The following SLC37A3 variants were observed in gnomAD, a reference collection of about 807,000 sequenced individuals.
SLC37A3 encodes the protein solute carrier family 37 member 3.
A neutral mutation model predicts 67.1 loss-of-function variants in SLC37A3; 51 were observed. The observed-to-expected ratio is 0.76, with a 90% CI of 0.61 to 0.96. The LOEUF (loss-of-function observed/expected upper bound fraction) is 0.96, where lower values mean the gene tolerates loss of function less well. SLC37A3 is among the 40% of genes least tolerant of loss of function. The pLI is 0.00. For synonymous variants in SLC37A3, 214 were observed against 231.4 expected (o/e 0.92, Z 0.68); for missense variants, 508 against 603.0 (o/e 0.84, Z 1.65).
intron 3 of SLC37A3, among the ~76,000 whole-genome samples, chr7:140,378,990 T>C (rs1184322537): frequency 1.3e-5 from 2 of 151,802 alleles, no homozygotes; most frequent in Non-Finnish European, 2.9e-5. Flanking sequence ...GAGGTTGCAG[T>C]GAGCCGAGAT....
At position 140,348,738 on chromosome 7, in the gene SLC37A3, T is replaced by C. The variant is rs758686009; in HGVS notation, c.912A>G (p.Leu304=). 1.9e-6 allele frequency: 3 copies of C among 1,614,044 alleles called. No individual in the cohort carries two copies. The highest frequency in any genetic ancestry group is 2.2e-5 in the South Asian group (2 of 91,086). The part of the protein sequence containing the change: ...PYSLAYACLK[L]VNYSFFFWLP... ...GCCAGAAGAAGAAGGAGTAATTCAC[T>C]AACTTCAAGCAGGCGTAGGCCAGTG... The change falls in exon 10 of 15, where the codon TTA becomes TTG. Residue 304 remains leucine (L), a synonymous_variant. Transcript: ENST00000326232.
rs575828622 is a variant in SLC37A3 at position 140,365,705 on chromosome 7, A to G, written c.292-1214T>C. On this transcript the variant is annotated intron_variant, in intron 4 of 14. Coordinates refer to ENST00000326232, the MANE Select transcript of SLC37A3 (RefSeq NM_207113.3). ...CACTGCACTCCAGCCTGGGCGATAG[A>G]GTGGGACTCCATCTCAAAAAAAAAA... Among the ~76,000 whole-genome samples, 3 of 152,146 alleles carry G rather than the reference A, an allele frequency of 2.0e-5. No homozygotes were observed. The South Asian group carries it at 6.2e-4, about 32-fold the overall frequency.
At chr7:140,394,510 T>C (rs1209540994) in intron 1 of SLC37A3, among the ~76,000 whole-genome samples, 1 of 151,060 alleles carries the variant, frequency 6.6e-6, no homozygotes, top group Non-Finnish European at 1.5e-5. Context: ...TGGCCCTATC[T>C]ACTTGGGAGG....
intron 3 of SLC37A3, among the ~76,000 whole-genome samples, chr7:140,373,371 G>A (rs1797898556): frequency 6.6e-6 from 1 of 152,208 alleles, no homozygotes; most frequent in Non-Finnish European, 1.5e-5. Flanking sequence ...TAGTTATTCA[G>A]ATTTGGGTAC....
chr7:140,357,556 C>T (rs1293504610), intron 6 of SLC37A3, among the ~76,000 whole-genome samples: 9 of 143,366 alleles, frequency 6.3e-5, no homozygotes, highest in Non-Finnish European at 1.4e-4. Context: ...CAGACCCTTT[C>T]TCTACAGGAA....
chr7:140,376,892 GCCT>G (rs922073626), intron 3 of SLC37A3, among the ~76,000 whole-genome samples: 9 of 151,170 alleles, frequency 6.0e-5, no homozygotes, highest in African/African-American at 1.9e-4. Flanking sequence ...TCCCACCTCA[GCCT>G]CCTAAGTAGC....
intron 14 of SLC37A3, 80 bp downstream of exon 14, chr7:140,337,204 G>T: frequency 2.7e-6 from 3 of 1,095,112 alleles, no homozygotes; most frequent in Non-Finnish European, 3.8e-6. Flanking sequence ...CAACAGTTTT[G>T]CTGAAGTGAC....
chr7:140,341,664 C>T (rs1352132718), intron 13 of SLC37A3, among the ~76,000 whole-genome samples: 2 of 152,102 alleles, frequency 1.3e-5, no homozygotes, highest in African/African-American at 4.8e-5. Context: ...ACGTGCTTCC[C>T]CAACCATGAA....
chr7:140,349,057 GAAGC>G (rs1218446826), intron 9 of SLC37A3, among the ~76,000 whole-genome samples: 3 of 152,172 alleles, frequency 2.0e-5, no homozygotes, highest in Non-Finnish European at 4.4e-5. Context: ...TTCTCTGGTA[GAAGC>G]AAGCCAGTGT....
At chr7:140,375,017 G>A (rs1286583768) in intron 3 of SLC37A3, among the ~76,000 whole-genome samples, 3 of 149,438 alleles carry the variant, frequency 2.0e-5, no homozygotes, top group African/African-American at 4.9e-5. Flanking sequence ...GTGGTGGCAC[G>A]CACCTATGGT....
chr7:140,343,083 C>T (rs1228693752), intron 13 of SLC37A3, among the ~76,000 whole-genome samples: 1 of 152,076 alleles, frequency 6.6e-6, no homozygotes, highest in Non-Finnish European at 1.5e-5. Flanking sequence ...AGAAGCACCC[C>T]CCACCACGGA....
At position 140,346,468 on chromosome 7, in the gene SLC37A3, G is replaced by C. The variant is rs377526091; in HGVS notation, c.1025-498C>G. ...GTCTGTTAAATCACCATGATGACCA[G>C]TGGGGACAGGAGACCACAAATCAGA... On this transcript the variant is annotated intron_variant, in intron 10 of 14. Coordinates refer to ENST00000326232, the MANE Select transcript of SLC37A3 (RefSeq NM_207113.3). Among the ~76,000 whole-genome samples the C allele has an allele frequency of 7.4e-4, 112 of 152,324 alleles. 1 individual carries two copies. The South Asian group carries it at 9.1e-3, about 12-fold the overall frequency.
chr7:140,345,623 T>C (rs1027731250), intron 11 of SLC37A3, among the ~76,000 whole-genome samples: 2 of 152,154 alleles, frequency 1.3e-5, no homozygotes, highest in African/African-American at 4.8e-5. Flanking sequence ...ACAAAGCATA[T>C]ACACTCCCAA....
At chr7:140,397,155 G>T (rs1798967935) in intron 1 of SLC37A3, among the ~76,000 whole-genome samples, 1 of 143,782 alleles carries the variant, frequency 7.0e-6, no homozygotes, top group African/African-American at 2.5e-5. Context: ...AGCCGAGATG[G>T]TGCCACGGCA....
chr7:140,371,083 A>G (rs1254683890), intron 3 of SLC37A3, among the ~76,000 whole-genome samples: 4 of 152,216 alleles, frequency 2.6e-5, no homozygotes, highest in Admixed American at 6.5e-5. Context: ...TTGCAGCCCA[A>G]CTACAACCCA....
chr7:140,390,243 C>A (rs73163231), intron 1 of SLC37A3, among the ~76,000 whole-genome samples: 5,597 of 152,184 alleles, frequency 0.037, 151 homozygotes, highest in South Asian at 0.14. Flanking sequence ...ATCTCATCTG[C>A]CCAGTCTTCC....
intron 1 of SLC37A3, among the ~76,000 whole-genome samples, chr7:140,388,503 G>A (rs1798598109): frequency 6.6e-6 from 1 of 150,970 alleles, no homozygotes; most frequent in African/African-American, 2.4e-5. Context: ...CAAGATTCTT[G>A]CCATCAAATA....
intron 3 of SLC37A3, among the ~76,000 whole-genome samples, chr7:140,375,693 T>C (rs1338836150): frequency 6.6e-6 from 1 of 152,098 alleles, no homozygotes; most frequent in Non-Finnish European, 1.5e-5. Flanking sequence ...TAACAAAAAA[T>C]AAAATCCCCA....
chr7:140,339,377 C>T (rs1468379837), intron 13 of SLC37A3, among the ~76,000 whole-genome samples: 2 of 150,878 alleles, frequency 1.3e-5, no homozygotes, highest in Non-Finnish European at 2.9e-5. Context: ...TATCCTGCCT[C>T]AGCCTCCTGA....
Sources: allele counts gnomAD v4.1 joint callset (sites outside exome capture counted in the v4.1 genomes callset), GRCh38; gene constraint gnomAD v4.1.1; transcripts MANE v1.5; gene names NCBI Gene and HGNC (gene_info 2026-07-23, HGNC 2026-07-21).